The following TRIO variants were observed in gnomAD, a reference collection of about 807,000 sequenced individuals.
TRIO encodes the protein trio Rho guanine nucleotide exchange factor, also known as triple functional domain protein.
TRIO carries 58 observed loss-of-function variants against 351.9 expected under a neutral mutation model. The observed-to-expected ratio is 0.16, with a 90% CI of 0.13 to 0.21. The LOEUF (loss-of-function observed/expected upper bound fraction) is 0.21. TRIO is among the 10% of genes least tolerant of loss of function. TRIO has a pLI of 1.00. For missense variants in TRIO, 3,201 were observed against 4,027.8 expected (o/e 0.79, Z 5.56); for synonymous variants, 1,758 against 1,595.7 (o/e 1.10, Z -2.42).
At position 14,143,424 on chromosome 5, in the gene TRIO, C is replaced by A. The variant is rs1282143590; in HGVS notation, c.-302C>A. On this transcript the variant is annotated 5_prime_UTR_variant, in exon 1 of 57. Transcript: ENST00000344204. ...CGCCGGCCACGGGCCCCCGCCCTCG[C>A]GACTGCGCGTCCGGGAGGCGCGTGC... 6.7e-6 allele frequency among the ~76,000 whole-genome samples: 1 copy of A among 150,124 alleles called. No individual in the cohort carries two copies. The highest frequency in any genetic ancestry group is 1.5e-5 in the Non-Finnish European group (1 of 67,400).
intron 14 of TRIO, 79 bp from the exon 15 acceptor site, chr5:14,364,571 G>C: frequency 6.6e-7 from 1 of 1,515,192 alleles, no homozygotes; most frequent in Non-Finnish European, 8.9e-7. Flanking sequence ...CACAAAAGCA[G>C]ATTTTGTGCC....
rs1192798883 is a variant in TRIO at position 14,348,929 on chromosome 5, GT to G, written c.2047-9244del. Among the ~76,000 whole-genome samples, 6 of 150,130 alleles carry G rather than the reference GT, an allele frequency of 4.0e-5. 1 individual carries two copies. Among genetic ancestry groups the G allele is most frequent in the African/African-American group, 1.5e-4 (6 of 40,658 alleles). ...TGTGTGTGTACGCACGTGAGCATGT[GT>G]TTTTCCTGTATGTGTGTACACACGT... On this transcript the variant is annotated intron_variant, in intron 11 of 56. Coordinates refer to ENST00000344204, the MANE Select transcript of TRIO (RefSeq NM_007118.4).
At chr5:14,475,091 C>T (rs1035561718) in intron 40 of TRIO, among the ~76,000 whole-genome samples, 8 of 152,194 alleles carry the variant, frequency 5.3e-5, no homozygotes, top group African/African-American at 1.2e-4. Context: ...GCTGGTGCTA[C>T]GTAGCTCACC....
intron 35 of TRIO, among the ~76,000 whole-genome samples, chr5:14,462,008 C>T (rs1753855924): frequency 6.6e-6 from 1 of 152,184 alleles, no homozygotes; most frequent in Admixed American, 6.5e-5. Flanking sequence ...AGATGGCCTT[C>T]AGCACTGGTG....
Position 14,488,417 on chromosome 5 carries a change from G to A in TRIO, c.7632+157G>A, listed in dbSNP as rs578073784. 15 of 1,124,914 alleles carry A rather than the reference G, an allele frequency of 1.3e-5. No homozygotes were observed. The East Asian group carries it at 3.2e-4, about 24-fold the overall frequency. The allele number at this position is 1,124,914 out of a possible 1,614,324, so 69.7% of individuals were successfully genotyped here. A position where few individuals can be genotyped will look rare whatever the true frequency, so the allele number is the denominator to read the frequency against. On this transcript the variant is annotated intron_variant, in intron 48 of 56. Coordinates refer to ENST00000344204, the MANE Select transcript of TRIO (RefSeq NM_007118.4). ...GACCAGGCTAACCCTCCTGCGGGCC[G>A]GCCCACGGCGCTACTAACTACTCCT...
At chr5:14,426,199 A>G (rs764250183) in intron 34 of TRIO, among the ~76,000 whole-genome samples, 25 of 151,026 alleles carry the variant, frequency 1.7e-4, no homozygotes, top group African/African-American at 2.4e-4. Context: ...CATGTCCAAC[A>G]AGACCTTTCG....
chr5:14,380,035 CTTG>C (rs970073818), intron 20 of TRIO, among the ~76,000 whole-genome samples: 5 of 152,134 alleles, frequency 3.3e-5, no homozygotes, highest in Non-Finnish European at 7.4e-5. Flanking sequence ...TCATTTTTGG[CTTG>C]TTCTTATCTC....
chr5:14,230,650 C>T, intron 1 of TRIO, among the ~76,000 whole-genome samples: 1 of 152,086 alleles, frequency 6.6e-6, no homozygotes, highest in East Asian at 1.9e-4. Context: ...CATATATATT[C>T]ATTTCTTCCT....
chr5:14,207,765 T>G (rs1020193248), intron 1 of TRIO, among the ~76,000 whole-genome samples: 1 of 151,966 alleles, frequency 6.6e-6, no homozygotes, highest in Non-Finnish European at 1.5e-5. Context: ...GACAAAATAT[T>G]TGTAAATCAT....
chr5:14,163,505 A>G (rs939966058), intron 1 of TRIO, among the ~76,000 whole-genome samples: 2 of 152,194 alleles, frequency 1.3e-5, no homozygotes, highest in Admixed American at 6.5e-5. Flanking sequence ...GGCCTGGCCA[A>G]CTAAAGGGTA....
Position 14,488,272 on chromosome 5 carries a change from G to C in TRIO, c.7632+12G>C. ...CCCAGAGCAACGGGGTAAGCGCGTC[G>C]GGGGGCCCGCGCCCTCCCGCCCCCC... On this transcript the variant is annotated intron_variant, in intron 48 of 56. Transcript: ENST00000344204. The C allele has an allele frequency of 6.5e-7, 1 of 1,545,214 alleles. No homozygotes were observed. Among genetic ancestry groups the C allele is most frequent in the Non-Finnish European group, 8.7e-7 (1 of 1,150,830 alleles).
chr5:14,365,532 C>T (rs72748211), intron 15 of TRIO, among the ~76,000 whole-genome samples: 2,415 of 152,314 alleles, frequency 0.016, 29 homozygotes, highest in Non-Finnish European at 0.027. Flanking sequence ...ACCTTTCAGT[C>T]TCCCACATGC....
Position 14,485,050 on chromosome 5 carries a change from A to T in TRIO, c.6658-19A>T. ...TTCCACCTGTTAGCTATTATGAATAATGTTTTTTTTTTTTTAAGGTGAGTT... is the reference window on the plus strand; with the variant it reads ...TTCCACCTGTTAGCTATTATGAATATTGTTTTTTTTTTTTTAAGGTGAGTT... On this transcript the variant is annotated intron_variant, in intron 46 of 56. Transcript: ENST00000344204. 1 of 1,490,416 alleles carries T rather than the reference A, an allele frequency of 6.7e-7. No individual in the cohort carries two copies. 92.3% of individuals were successfully genotyped at this position (1,490,416 alleles called of 1,614,324 possible).
chr5:14,362,541 T>A (rs1744241136), intron 13 of TRIO, among the ~76,000 whole-genome samples: 1 of 152,214 alleles, frequency 6.6e-6, no homozygotes, highest in African/African-American at 2.4e-5. Context: ...AGATTGGTTG[T>A]CAAAGGAACC....
At chr5:14,208,030 G>A (rs1443219906) in intron 1 of TRIO, among the ~76,000 whole-genome samples, 5 of 152,212 alleles carry the variant, frequency 3.3e-5, no homozygotes, top group African/African-American at 1.2e-4. Flanking sequence ...TGATGAGGGT[G>A]TGGAGAAACC....
intron 11 of TRIO, among the ~76,000 whole-genome samples, chr5:14,340,395 T>TG (rs1359389754): frequency 1.6e-4 from 16 of 102,294 alleles, no homozygotes; most frequent in African/African-American, 3.9e-4. Context: ...AGACTCCGTC[T>TG]GGAAAAAAAA....
In TRIO at chr5:14,405,892, C is replaced by T. The variant is rs757094977; in HGVS notation, c.4761C>T (p.Arg1587=). The change falls in exon 32 of 57, where the codon CGC becomes CGT. Residue 1587 remains arginine, a synonymous_variant. Transcript: ENST00000344204. The part of the protein sequence containing the change: ...ENKQDWIKHI[R]EVIQERTIHL... Reference sequence around the variant, plus strand: ...AGCAGGACTGGATAAAGCATATCCGCGAAGTCATCCAGGAGCGGACGATCC... The same window carrying T: ...AGCAGGACTGGATAAAGCATATCCGTGAAGTCATCCAGGAGCGGACGATCC... 1.1e-4 allele frequency: 175 copies of T among 1,613,722 alleles called. No individual in the cohort carries two copies. The highest frequency in any genetic ancestry group is 1.6e-4 in the Middle Eastern group (1 of 6,070).
rs1302022622 is a variant in TRIO at position 14,420,225 on chromosome 5, TGA to T, written c.5203+206_5203+207del. 5 of 719,730 alleles carry T rather than the reference TGA, an allele frequency of 6.9e-6. No individual in the cohort carries two copies. In the African/African-American group the frequency reaches 9.0e-5, roughly 13 times the overall value. 44.6% of individuals were successfully genotyped at this position (719,730 alleles called of 1,614,324 possible). On this transcript the variant is annotated intron_variant, in intron 34 of 56. Coordinates refer to ENST00000344204, the MANE Select transcript of TRIO (RefSeq NM_007118.4). ...GATTTCACCCACGACTCAGAAATAATGAGTGATCTCCTCACTTCCAGGGCGGT... is the reference window on the plus strand; with the variant it reads ...GATTTCACCCACGACTCAGAAATAATGTGATCTCCTCACTTCCAGGGCGGT...
chr5:14,346,104 T>G (rs1742392375), intron 11 of TRIO, among the ~76,000 whole-genome samples: 1 of 152,234 alleles, frequency 6.6e-6, no homozygotes, highest in African/African-American at 2.4e-5. Context: ...AAGCTCCAGA[T>G]AAGCCAGGCT....
Sources: gnomAD v4.1 joint callset for allele counts (sites outside exome capture counted in the v4.1 genomes callset) on GRCh38, gnomAD v4.1.1 for gene constraint, MANE v1.5 for transcripts, NCBI Gene and HGNC (gene_info 2026-07-23, HGNC 2026-07-21) for gene names.